The following APBB2 variants were observed in gnomAD, a reference collection of about 807,000 sequenced individuals.
APBB2 encodes Fe65-like 1.
A neutral mutation model predicts 82.5 loss-of-function variants in APBB2; 38 were observed. The ratio of observed to expected loss-of-function variants is 0.46; its 90% confidence interval spans 0.36 to 0.60. APBB2 has a LOEUF of 0.60. APBB2 is among the 20% of genes least tolerant of loss of function. APBB2 has a pLI of 0.00. For missense variants in APBB2, 772 were observed against 972.3 expected, an observed-to-expected ratio of 0.79 and a Z score of 2.74; for synonymous variants, 341 against 368.2, an observed-to-expected ratio of 0.93 and a Z score of 0.85.
chr4:40,823,563 G>A, intron 16 of APBB2, 81 bp downstream of exon 16: 1 of 988,534 alleles, frequency 1.0e-6, no homozygotes, highest in Non-Finnish European at 1.6e-6. Flanking sequence ...CCTTGACTAT[G>A]TTCCTAAGTT....
chr4:41,183,233 C>T (rs1039907573), intron 1 of APBB2, among the ~76,000 whole-genome samples: 1 of 152,224 alleles, frequency 6.6e-6, no homozygotes, highest in Non-Finnish European at 1.5e-5. Context: ...CATTGTCTCG[C>T]CTGGCTTTTT....
In APBB2 at chr4:40,987,455, G is replaced by T. The variant is rs76536554; in HGVS notation, c.835+26128C>A. On this transcript the variant is annotated intron_variant, in intron 6 of 17. Transcript: ENST00000508593. ...CCTATTCTTCATTTTAATGTGCCTC[G>T]TTCTCTTTAAGTATTGATTTGTGCC... Among the ~76,000 whole-genome samples the T allele has an allele frequency of 3.9e-3, 593 of 152,238 alleles. 6 individuals are homozygous for T. Among genetic ancestry groups the T allele is most frequent in the African/African-American group, 0.014 (572 of 41,542 alleles).
intron 1 of APBB2, among the ~76,000 whole-genome samples, chr4:41,149,360 C>CT (rs910729328): frequency 4.6e-5 from 7 of 150,858 alleles, no homozygotes; most frequent in Non-Finnish European, 8.9e-5. Flanking sequence ...AGCAAAGTTT[C>CT]TTTTTTAAAA....
chr4:40,810,679 C>A lies in APBB2; in HGVS notation c.*5413G>T, dbSNP rs1367950251. On this transcript the variant is annotated 3_prime_UTR_variant, in exon 18 of 18. Coordinates refer to ENST00000508593, the MANE Select transcript of APBB2 (RefSeq NM_004307.2). ...TATTTTAAATCCCTGAAGAAGAATT[C>A]TTCATGTTATCACTCTTGTACAGAA... The A allele has an allele frequency of 2.0e-5, 3 of 149,718 alleles. No individual in the cohort carries two copies. Among genetic ancestry groups the A allele is most frequent in the African/African-American group, 4.9e-5 (2 of 40,782 alleles). The allele number at this position is 149,718 out of a possible 1,614,324, so 9.3% of individuals were successfully genotyped here. A position where few individuals can be genotyped will look rare whatever the true frequency, so the allele number is the denominator to read the frequency against.
In APBB2 at chr4:41,207,198, CAAAAAAAAAAAAAAAA is replaced by C. The variant is rs368548129; in HGVS notation, c.-417+7191_-417+7206del. 4.3e-3 allele frequency among the ~76,000 whole-genome samples: 290 copies of C among 67,376 alleles called. 2 individuals carry two copies. Among genetic ancestry groups the C allele is most frequent in the African/African-American group, 0.019 (275 of 14,124 alleles). The allele number at this position is 67,376 out of a possible 152,430, so 44.2% of individuals were successfully genotyped here. ...TGGGCGACCAAGTGAGACTCCGTCT[CAAAAAAAAAAAAAAAA>C]AAAAAAAAAAAGGAAATAATTTGTT... On this transcript the variant is annotated intron_variant, in intron 1 of 17. Transcript: ENST00000508593.
intron 2 of APBB2, among the ~76,000 whole-genome samples, chr4:41,119,368 T>C (rs1306172164): frequency 6.6e-6 from 1 of 152,022 alleles, no homozygotes; most frequent in Non-Finnish European, 1.5e-5. Context: ...TGCATTTATA[T>C]TCCTCCTTTT....
chr4:41,011,159 T>A (rs140561270), intron 6 of APBB2, among the ~76,000 whole-genome samples: 23 of 151,504 alleles, frequency 1.5e-4, no homozygotes, highest in South Asian at 6.2e-4. Context: ...TTTTTTTTTT[T>A]AATTTTAATT....
chr4:40,852,846 GC>G (rs1324315592), intron 12 of APBB2, among the ~76,000 whole-genome samples: 2 of 152,102 alleles, frequency 1.3e-5, no homozygotes, highest in Non-Finnish European at 2.9e-5. Flanking sequence ...TTGCCACGTT[GC>G]CCAGGCTGGT....
intron 12 of APBB2, chr4:40,880,752 C>T (rs1768235943): frequency 9.1e-6 from 9 of 985,406 alleles, no homozygotes; most frequent in Non-Finnish European, 1.1e-5. Flanking sequence ...GGAAGCTGTT[C>T]GAAGATCATC....
At chr4:41,119,522 TAA>T (rs35952366) in intron 2 of APBB2, among the ~76,000 whole-genome samples, 55 of 117,956 alleles carry the variant, frequency 4.7e-4, no homozygotes, top group Admixed American at 8.9e-4. Context: ...GAAGTTCCAT[TAA>T]AAAAAAAAAA....
At chr4:40,848,811 G>T in intron 12 of APBB2, 1 of 969,348 alleles carries the variant, frequency 1.0e-6, no homozygotes, top group Non-Finnish European at 1.2e-6. Flanking sequence ...TCGGCTGCTT[G>T]GTCTGCTTTT....
intron 7 of APBB2, among the ~76,000 whole-genome samples, chr4:40,936,977 G>A (rs1785530684): frequency 6.6e-6 from 1 of 152,150 alleles, no homozygotes; most frequent in Non-Finnish European, 1.5e-5. Context: ...ACCAATTTCG[G>A]TTTGGACCAC....
In APBB2 at chr4:41,101,182, C is replaced by T. The variant is rs1487967967; in HGVS notation, c.-260-432G>A. ...GAAGTAGTTGTAAATAGAAGTGAAT[C>T]GGCCGGGCGCGGTGGCTCACGCCTG... On this transcript the variant is annotated intron_variant, in intron 2 of 17. Transcript: ENST00000508593. Among the ~76,000 whole-genome samples, 7 of 152,268 alleles carry T rather than the reference C, an allele frequency of 4.6e-5. No individual in the cohort carries two copies. In the East Asian group the frequency reaches 1.4e-3, roughly 29 times the overall value.
At chr4:41,111,200 G>A (rs775394339) in intron 2 of APBB2, among the ~76,000 whole-genome samples, 10 of 152,196 alleles carry the variant, frequency 6.6e-5, no homozygotes, top group Non-Finnish European at 7.3e-5. Context: ...TATAGATTAA[G>A]CTTTCCTCAC....
intron 12 of APBB2, among the ~76,000 whole-genome samples, chr4:40,858,454 C>CA (rs34433911): frequency 0.043 from 2,440 of 57,378 alleles, 85 homozygotes; most frequent in East Asian, 0.074. Context: ...GAGTCCGTCT[C>CA]AAAAAAAAAA....
At chr4:40,849,131 T>A (rs1428542475) in intron 12 of APBB2, among the ~76,000 whole-genome samples, 1 of 151,912 alleles carries the variant, frequency 6.6e-6, no homozygotes, top group Non-Finnish European at 1.5e-5. Flanking sequence ...AGTAGGGAGT[T>A]GGCTGGATTC....
intron 1 of APBB2, chr4:41,193,786 A>ACTC: frequency 2.0e-5 from 3 of 152,546 alleles, no homozygotes; most frequent in African/African-American, 4.8e-5. Context: ...ACACCCATGC[A>ACTC]CTCACACTAG....
At chr4:40,939,371 TGG>T (rs1282009301) in intron 7 of APBB2, among the ~76,000 whole-genome samples, 3 of 152,168 alleles carry the variant, frequency 2.0e-5, no homozygotes, top group Non-Finnish European at 4.4e-5. Context: ...GCACAGGGAC[TGG>T]CTGCCCGAGG....
intron 2 of APBB2, among the ~76,000 whole-genome samples, chr4:41,133,044 T>C (rs1043079178): frequency 6.6e-6 from 1 of 152,198 alleles, no homozygotes; most frequent in Non-Finnish European, 1.5e-5. Flanking sequence ...AAAAAATGCA[T>C]ACACCAGCAT....
Sources: gnomAD v4.1 joint callset for allele counts (sites outside exome capture counted in the v4.1 genomes callset) on GRCh38, gnomAD v4.1.1 for gene constraint, MANE v1.5 for transcripts, NCBI Gene and HGNC (gene_info 2026-07-23, HGNC 2026-07-21) for gene names.